Variants in ADAMTSL1 observed in about 807,000 individuals in gnomAD.
ADAMTSL1 encodes ADAMTS-like protein 1.
Under a neutral mutation model 201.8 loss-of-function variants are expected in ADAMTSL1, and 126 were observed. The ratio of observed to expected loss-of-function variants is 0.62; its 90% CI spans 0.54 to 0.72. The LOEUF (loss-of-function observed/expected upper bound fraction) is 0.72. ADAMTSL1 is among the 30% of genes least tolerant of loss of function. The probability of loss-of-function intolerance (pLI) is 0.00; values close to 1 mark genes in which losing one functional copy is unlikely to be tolerated. For missense variants in ADAMTSL1, 2,679 were observed against 2,277.8 expected (o/e 1.18, Z -3.59); for synonymous variants, 1,121 against 903.4 (o/e 1.24, Z -4.32).
intron 23 of ADAMTSL1, among the ~76,000 whole-genome samples, chr9:18,873,568 C>A (rs918629356): frequency 3.3e-5 from 5 of 152,054 alleles, no homozygotes; most frequent in Admixed American, 3.3e-4. Flanking sequence ...CCTTTCCCCA[C>A]TTTATGTTTT....
chr9:18,652,798 A>G (rs1828379658), intron 7 of ADAMTSL1, among the ~76,000 whole-genome samples: 1 of 152,158 alleles, frequency 6.6e-6, no homozygotes, highest in African/African-American at 2.4e-5. Context: ...AGCATCTGTA[A>G]CCAATTCCTT....
chr9:18,836,504 T>C (rs1271600450), intron 23 of ADAMTSL1, among the ~76,000 whole-genome samples: 4 of 152,162 alleles, frequency 2.6e-5, no homozygotes, highest in Non-Finnish European at 1.5e-5. Flanking sequence ...ACTGTAGCCC[T>C]GTAGTATAGT....
At chr9:18,636,516 A>C (rs751420694) in intron 6 of ADAMTSL1, among the ~76,000 whole-genome samples, 3 of 152,180 alleles carry the variant, frequency 2.0e-5, no homozygotes, top group African/African-American at 7.2e-5. Flanking sequence ...GTAATTAAGC[A>C]TCCCATGTTT....
At chr9:17,985,994 C>A (rs567653373) in intron 1 of ADAMTSL1, among the ~76,000 whole-genome samples, 147 of 152,216 alleles carry the variant, frequency 9.7e-4, no homozygotes, top group Non-Finnish European at 1.7e-3. Context: ...CAAGAAACAA[C>A]AAATGGTTTT....
chr9:18,559,931 A>G (rs1821366447), intron 3 of ADAMTSL1, among the ~76,000 whole-genome samples: 1 of 152,144 alleles, frequency 6.6e-6, no homozygotes, highest in Admixed American at 6.6e-5. Flanking sequence ...GGTTTTCTAA[A>G]TATACAATTA....
intron 23 of ADAMTSL1, among the ~76,000 whole-genome samples, chr9:18,870,673 A>AAAAACAC (rs1827828879): frequency 1.3e-5 from 2 of 152,178 alleles, no homozygotes; most frequent in Non-Finnish European, 2.9e-5. Context: ...TCAGGCAAAA[A>AAAAACAC]AAAACACAAG....
chr9:18,660,938 T>C (rs1010240941), intron 8 of ADAMTSL1, among the ~76,000 whole-genome samples: 1 of 152,198 alleles, frequency 6.6e-6, no homozygotes, highest in Non-Finnish European at 1.5e-5. Context: ...CCCTTAATGA[T>C]TTAAATCTTG....
chr9:18,626,824 T>TCTTA (rs1321315531), intron 5 of ADAMTSL1, among the ~76,000 whole-genome samples: 158 of 143,368 alleles, frequency 1.1e-3, no homozygotes, highest in African/African-American at 3.9e-3. Flanking sequence ...TTTCTTTCTT[T>TCTTA]CTTTCTTACT....
At chr9:18,266,010 A>G (rs1256420661) in intron 2 of ADAMTSL1, among the ~76,000 whole-genome samples, 1 of 152,112 alleles carries the variant, frequency 6.6e-6, no homozygotes, top group Non-Finnish European at 1.5e-5. Context: ...TTAAAATAAA[A>G]AATAATTAAA....
At chr9:18,722,870 G>T (rs951065159) in intron 15 of ADAMTSL1, 21 of 670,096 alleles carry the variant, frequency 3.1e-5, no homozygotes, top group Non-Finnish European at 2.7e-6. Context: ...TCCTGTACAT[G>T]AAATCCTGAG....
chr9:18,289,920 A>T (rs2585579), intron 2 of ADAMTSL1, among the ~76,000 whole-genome samples: 3,595 of 152,326 alleles, frequency 0.024, 133 homozygotes, highest in African/African-American at 0.082. Flanking sequence ...GTAACCAGCT[A>T]GTGAGAAATA....
chr9:17,968,767 C>A (rs1021480404), intron 1 of ADAMTSL1, among the ~76,000 whole-genome samples: 1 of 152,066 alleles, frequency 6.6e-6, no homozygotes, highest in Non-Finnish European at 1.5e-5. Flanking sequence ...TTTTGAAGAT[C>A]AGTTATTTTT....
chr9:18,529,548 T>C (rs79219627), intron 2 of ADAMTSL1, among the ~76,000 whole-genome samples: 2,706 of 152,180 alleles, frequency 0.018, 62 homozygotes, highest in African/African-American at 0.057. Flanking sequence ...ATTTTGCGAG[T>C]TGTTGGAAGA....
chr9:18,099,790 C>A (rs1180256303), intron 1 of ADAMTSL1, among the ~76,000 whole-genome samples: 1 of 151,730 alleles, frequency 6.6e-6, no homozygotes, highest in African/African-American at 2.4e-5. Flanking sequence ...ACATGCCTGG[C>A]TAATTTTTTG....
intron 2 of ADAMTSL1, among the ~76,000 whole-genome samples, chr9:18,440,893 C>T (rs925881106): frequency 6.6e-6 from 1 of 151,950 alleles, no homozygotes; most frequent in Non-Finnish European, 1.5e-5. Context: ...TTCTTAACAC[C>T]ATTTGTAGAC....
intron 3 of ADAMTSL1, among the ~76,000 whole-genome samples, chr9:18,554,258 T>A (rs1224970653): frequency 6.6e-6 from 1 of 151,856 alleles, no homozygotes; most frequent in African/African-American, 2.4e-5. Flanking sequence ...AATTTTTTTA[T>A]TTTGCATCCT....
At chr9:18,158,970 G>C (rs901234929) in intron 1 of ADAMTSL1, among the ~76,000 whole-genome samples, 1 of 151,894 alleles carries the variant, frequency 6.6e-6, no homozygotes, top group African/African-American at 2.4e-5. Flanking sequence ...AGATTGTTTT[G>C]GCTCCAATAA....
chr9:18,371,784 T>C (rs1586996830), intron 2 of ADAMTSL1, among the ~76,000 whole-genome samples: 1 of 152,176 alleles, frequency 6.6e-6, no homozygotes, highest in Non-Finnish European at 1.5e-5. Context: ...TTAGAATCTC[T>C]CTCTGCTGCC....
rs908976650 is a variant in ADAMTSL1, at chr9:18,909,541, T to C, written c.*993T>C. Reference sequence around the variant, plus strand: ...ACTGCTGCTGTGGGCCAGGGCCATTTTGAGCATGAATGGCCCAGGTTTTTT... The same window carrying C: ...ACTGCTGCTGTGGGCCAGGGCCATTCTGAGCATGAATGGCCCAGGTTTTTT... On this transcript the variant is annotated 3_prime_UTR_variant, in exon 29 of 29. Transcript: ENST00000380548. 6.6e-6 allele frequency: 1 copy of C among 152,270 alleles called. No homozygotes were observed. The highest frequency in any genetic ancestry group is 2.4e-5 in the African/African-American group (1 of 41,466). The allele number at this position is 152,270 out of a possible 1,614,324, so 9.4% of individuals were successfully genotyped here.
Sources: gnomAD v4.1 joint callset for allele counts (sites outside exome capture counted in the v4.1 genomes callset) on GRCh38, gnomAD v4.1.1 for gene constraint, MANE v1.5 for transcripts, NCBI Gene and HGNC (gene_info 2026-07-23, HGNC 2026-07-21) for gene names.